The following ANKS1B variants were observed in gnomAD, a reference collection of about 807,000 sequenced individuals.
ANKS1B encodes the protein ankyrin repeat and sterile alpha motif domain-containing protein 1B.
A neutral mutation model predicts 148.3 loss-of-function variants in ANKS1B; 36 were observed. The observed-to-expected ratio is 0.24, with a 90% CI of 0.19 to 0.32. The LOEUF is 0.32. ANKS1B is among the 10% of genes least tolerant of loss of function. The pLI is 1.00. For missense variants in ANKS1B, 1,157 were observed against 1,542.6 expected (o/e 0.75, Z 4.19); for synonymous variants, 542 against 560.8 (o/e 0.97, Z 0.47).
chr12:98,779,111 T>C (rs1459185909), intron 24 of ANKS1B, among the ~76,000 whole-genome samples: 1 of 152,242 alleles, frequency 6.6e-6, no homozygotes, highest in Non-Finnish European at 1.5e-5. Context: ...TGAAAAAATA[T>C]GCTGACCTTC....
Position 99,924,877 on chromosome 12 carries a change from G to A in ANKS1B, c.134+59227C>T, listed in dbSNP as rs148298104. ...AGTCTTTGATATGACTTCATCAAAC[G>A]GCACCCACATCACTCTATTTCTGTA... On this transcript the variant is annotated intron_variant, in intron 1 of 26. Transcript: ENST00000683438. Among the ~76,000 whole-genome samples the A allele has an allele frequency of 3.6e-4, 54 of 152,028 alleles. 1 individual carries two copies. The highest frequency in any genetic ancestry group is 1.2e-3 in the African/African-American group (49 of 41,470).
At chr12:99,700,470 G>GC (rs1181072920) in intron 8 of ANKS1B, among the ~76,000 whole-genome samples, 5 of 152,144 alleles carry the variant, frequency 3.3e-5, no homozygotes, top group African/African-American at 1.2e-4. Flanking sequence ...ACACACTGTG[G>GC]CTGTACCTTT....
At chr12:99,154,418 G>A (rs1270838141) in intron 14 of ANKS1B, 23 bp from the exon 15 acceptor site, 28 of 1,613,664 alleles carry the variant, frequency 1.7e-5, no homozygotes, top group Non-Finnish European at 2.4e-5. Context: ...GAAGAGGGAA[G>A]CGTTTAAGCA....
intron 12 of ANKS1B, among the ~76,000 whole-genome samples, chr12:99,334,970 T>G (rs2088475719): frequency 6.6e-6 from 1 of 152,104 alleles, no homozygotes; most frequent in Non-Finnish European, 1.5e-5. Context: ...AATCTCCCAG[T>G]TTCCCATCTC....
intron 15 of ANKS1B, among the ~76,000 whole-genome samples, chr12:99,144,756 C>T (rs1025489717): frequency 6.6e-6 from 1 of 151,744 alleles, no homozygotes; most frequent in African/African-American, 2.4e-5. Context: ...TTAGGGTGGG[C>T]CCTAATCAAA....
At chr12:99,952,066 T>C (rs1451344337) in intron 1 of ANKS1B, among the ~76,000 whole-genome samples, 2 of 152,198 alleles carry the variant, frequency 1.3e-5, no homozygotes, top group Non-Finnish European at 2.9e-5. Flanking sequence ...TGTACAATTA[T>C]ATGTCAGTTA....
chr12:99,751,690 A>G (rs1472699627), intron 8 of ANKS1B, among the ~76,000 whole-genome samples: 1 of 152,128 alleles, frequency 6.6e-6, no homozygotes, highest in Non-Finnish European at 1.5e-5. Flanking sequence ...GATGAAATAT[A>G]TAGATAATGC....
chr12:99,975,750 C>G (rs1236436527), intron 1 of ANKS1B, among the ~76,000 whole-genome samples: 1 of 152,222 alleles, frequency 6.6e-6, no homozygotes, highest in Non-Finnish European at 1.5e-5. Flanking sequence ...CAAATATCTT[C>G]TCCCATTCTG....
At chr12:99,532,496 G>C (rs530274339) in intron 9 of ANKS1B, among the ~76,000 whole-genome samples, 92 of 152,268 alleles carry the variant, frequency 6.0e-4, no homozygotes, top group Non-Finnish European at 1.0e-3. Context: ...GAATAGCTGG[G>C]ACTACAGGCG....
chr12:98,973,917 T>A (rs969451383), intron 17 of ANKS1B, among the ~76,000 whole-genome samples: 2 of 151,912 alleles, frequency 1.3e-5, no homozygotes, highest in African/African-American at 4.8e-5. Flanking sequence ...TATGTATCTA[T>A]AGATACATCG....
At chr12:99,436,902 C>T (rs1427792594) in intron 11 of ANKS1B, among the ~76,000 whole-genome samples, 4 of 151,960 alleles carry the variant, frequency 2.6e-5, no homozygotes, top group African/African-American at 9.7e-5. Context: ...TCTACAGCCT[C>T]TTTGCTTCTT....
At chr12:99,478,803 A>G (rs530436813) in intron 10 of ANKS1B, among the ~76,000 whole-genome samples, 11 of 152,234 alleles carry the variant, frequency 7.2e-5, no homozygotes, top group Admixed American at 3.9e-4. Flanking sequence ...ATAAAACATT[A>G]ATTTTGATCA....
intron 8 of ANKS1B, among the ~76,000 whole-genome samples, chr12:99,748,824 T>C (rs1317271944): frequency 6.6e-6 from 1 of 152,164 alleles, no homozygotes; most frequent in Non-Finnish European, 1.5e-5. Context: ...TCATAAAATA[T>C]GGAATACCAG....
chr12:99,649,337 G>A, intron 9 of ANKS1B: 2 of 1,614,156 alleles, frequency 1.2e-6, no homozygotes, highest in Non-Finnish European at 1.7e-6. Flanking sequence ...AGAATCAGTA[G>A]ACTTCACATG....
intron 10 of ANKS1B, among the ~76,000 whole-genome samples, chr12:99,475,565 A>G (rs566847101): frequency 6.6e-6 from 1 of 151,976 alleles, no homozygotes; most frequent in Non-Finnish European, 1.5e-5. Context: ...AATTCCCCAA[A>G]AGTAATATAA....
At chr12:99,455,392 TC>T (rs2095830468) in intron 10 of ANKS1B, among the ~76,000 whole-genome samples, 1 of 152,136 alleles carries the variant, frequency 6.6e-6, no homozygotes, top group African/African-American at 2.4e-5. Flanking sequence ...GAACTTTTGC[TC>T]CAAGAACTAC....
intron 8 of ANKS1B, among the ~76,000 whole-genome samples, chr12:99,767,613 GA>G (rs1026717672): frequency 6.6e-6 from 1 of 152,006 alleles, no homozygotes; most frequent in African/African-American, 2.4e-5. Flanking sequence ...ACATTCTTTC[GA>G]AAACCTAAAT....
At chr12:99,908,501 GC>G (rs2153782902) in intron 1 of ANKS1B, among the ~76,000 whole-genome samples, 1 of 152,196 alleles carries the variant, frequency 6.6e-6, no homozygotes, top group African/African-American at 2.4e-5. Flanking sequence ...AATCACCCAA[GC>G]CCGGGGAAGT....
chr12:99,588,302 G>GA (rs2153233134), intron 9 of ANKS1B, among the ~76,000 whole-genome samples: 1 of 152,188 alleles, frequency 6.6e-6, no homozygotes, highest in African/African-American at 2.4e-5. Flanking sequence ...TCTACAGAGG[G>GA]AAAAAATCCA....
Sources: allele counts gnomAD v4.1 joint callset (sites outside exome capture counted in the v4.1 genomes callset), GRCh38; gene constraint gnomAD v4.1.1; transcripts MANE v1.5; gene names NCBI Gene and HGNC (gene_info 2026-07-23, HGNC 2026-07-21).